Variants in PRSS35 observed in about 807,000 individuals in gnomAD.
The protein encoded by PRSS35 is serine protease 35.
PRSS35 carries 7 observed loss-of-function variants against 8.1 expected under a neutral mutation model. The ratio of observed to expected loss-of-function variants is 0.86; its 90% CI spans 0.49 to 1.62. The LOEUF (loss-of-function observed/expected upper bound fraction) is 1.62. Among genes scored for constraint, PRSS35 ranks in the 40% most tolerant of loss-of-function variants. The pLI, the probability that PRSS35 is intolerant of heterozygous loss-of-function variation, is 0.00. For synonymous variants in PRSS35, 199 were observed against 188.7 expected, an observed-to-expected ratio of 1.05 and a Z score of -0.45; for missense variants, 566 against 518.0, an observed-to-expected ratio of 1.09 and a Z score of -0.90.
intron 1 of PRSS35, among the ~76,000 whole-genome samples, chr6:83,517,432 C>T (rs1377897222): frequency 6.6e-6 from 1 of 152,148 alleles, no homozygotes; most frequent in Non-Finnish European, 1.5e-5. Flanking sequence ...TCATAAGATA[C>T]CCCCTCTCCT....
At chr6:83,514,020 G>C (rs1405199341) in intron 1 of PRSS35, among the ~76,000 whole-genome samples, 5 of 152,178 alleles carry the variant, frequency 3.3e-5, no homozygotes, top group Non-Finnish European at 7.3e-5. Context: ...ATCTGAGATG[G>C]AGAGGTTAGG....
rs369024634 is a variant in PRSS35 at position 83,524,393 on chromosome 6, G to A, written c.952G>A (p.Asp318Asn). The A allele has an allele frequency of 3.1e-6, 5 of 1,614,070 alleles. No individual in the cohort carries two copies. Among genetic ancestry groups the A allele is most frequent in the Non-Finnish European group, 2.5e-6 (3 of 1,180,048 alleles). Residue 318 changes from aspartate to asparagine, a missense_variant, in exon 2 of 2, where the codon GAT becomes AAT. Asp to Asn is a conservative substitution (Grantham distance 23). Transcript: ENST00000369700. ...HFSGFDNDRA[D>N]QLVYRFCSVS... ...CTCAGGATTTGATAACGATAGGGCT[G>A]ATCAGTTGGTCTATCGGTTTTGCAG...
intron 1 of PRSS35, among the ~76,000 whole-genome samples, chr6:83,514,763 C>T (rs1048908218): frequency 1.3e-5 from 2 of 152,184 alleles, no homozygotes; most frequent in Non-Finnish European, 2.9e-5. Context: ...AGTGTGCTGG[C>T]ACTACAACTG....
chr6:83,515,309 A>C (rs1397410624), intron 1 of PRSS35, among the ~76,000 whole-genome samples: 1 of 152,206 alleles, frequency 6.6e-6, no homozygotes, highest in Non-Finnish European at 1.5e-5. Context: ...CATTTGTTGA[A>C]TAGACAAATT....
In PRSS35 at chr6:83,524,319, T is replaced by C; in HGVS notation, c.878T>C (p.Leu293Pro). 6.2e-7 allele frequency: 1 copy of C among 1,614,148 alleles called. No homozygotes were observed. The highest frequency in any genetic ancestry group is 8.5e-7 in the Non-Finnish European group (1 of 1,180,028). The change falls in exon 2 of 2, where the codon CTT becomes CCT. Residue 293 changes from leucine (L) to proline (P), a missense_variant. Transcript: ENST00000369700. Reference protein sequence around the residue: ...KRAHKKKYMELGISPTIKKMP... With the variant: ...KRAHKKKYMEPGISPTIKKMP... ...GCTCACAAAAAGAAATACATGGAACTTGGAATCAGCCCAACGATCAAGAAA... is the reference window on the plus strand; with the variant it reads ...GCTCACAAAAAGAAATACATGGAACCTGGAATCAGCCCAACGATCAAGAAA...
Position 83,512,603 on chromosome 6 carries a change from TGA to T in PRSS35, c.-108_-107del. 1 of 152,480 alleles carries T rather than the reference TGA, an allele frequency of 6.6e-6. No homozygotes were observed. The highest frequency in any genetic ancestry group is 1.9e-4 in the East Asian group (1 of 5,160). 9.4% of individuals were successfully genotyped at this position (152,480 alleles called of 1,614,324 possible). ...GGGGCGGCCTCCGGCTCAGGCTGGC[TGA>T]GAGGCTCCCAGCTGCAGCGTCCCCG... On this transcript the variant is annotated 5_prime_UTR_variant, in exon 1 of 2. Coordinates refer to ENST00000369700, the MANE Select transcript of PRSS35 (RefSeq NM_153362.3).
intron 1 of PRSS35, among the ~76,000 whole-genome samples, chr6:83,520,259 G>A (rs1771796801): frequency 6.6e-6 from 1 of 152,114 alleles, no homozygotes; most frequent in African/African-American, 2.4e-5. Context: ...ACCACCTTCT[G>A]GGGTATGGCT....
chr6:83,521,664 T>C (rs1028887022), intron 1 of PRSS35, among the ~76,000 whole-genome samples: 6 of 151,870 alleles, frequency 4.0e-5, no homozygotes, highest in Non-Finnish European at 8.8e-5. Flanking sequence ...GCCTGACTAA[T>C]TTTTTAAAAG....
intron 1 of PRSS35, among the ~76,000 whole-genome samples, chr6:83,514,862 G>C (rs532016308): frequency 3.9e-5 from 6 of 152,258 alleles, no homozygotes; most frequent in Admixed American, 3.3e-4. Flanking sequence ...GTGGCCTGTA[G>C]GTAGGTGGGT....
At chr6:83,521,838 ATTATG>A (rs1265919963) in intron 1 of PRSS35, among the ~76,000 whole-genome samples, 4 of 152,120 alleles carry the variant, frequency 2.6e-5, no homozygotes, top group African/African-American at 9.7e-5. Flanking sequence ...GTTCAAATTA[ATTATG>A]TTATGTTTTC....
At chr6:83,519,944 G>A (rs1030628526) in intron 1 of PRSS35, among the ~76,000 whole-genome samples, 1 of 152,018 alleles carries the variant, frequency 6.6e-6, no homozygotes, top group Non-Finnish European at 1.5e-5. Flanking sequence ...ATGAGATATT[G>A]GAGGCATTAC....
Position 83,524,059 on chromosome 6 carries a change from C to CA in PRSS35, c.619dup (p.Arg207LysfsTer5). On this transcript the variant is annotated frameshift_variant, in exon 2 of 2. Coordinates refer to ENST00000369700, the MANE Select transcript of PRSS35 (RefSeq NM_153362.3). LOFTEE classifies it low-confidence loss of function (END_TRUNC). ...AGAAACGTCGAGGTTCTAAGAGGAG[C>CA]AGGAGAGAAGCTAGTGGTGGTGACC... The CA allele has an allele frequency of 6.2e-7, 1 of 1,613,960 alleles. No homozygotes were observed. Among genetic ancestry groups the CA allele is most frequent in the Non-Finnish European group, 8.5e-7 (1 of 1,180,004 alleles).
intron 1 of PRSS35, among the ~76,000 whole-genome samples, chr6:83,513,633 G>A (rs1771663178): frequency 6.6e-6 from 1 of 152,194 alleles, no homozygotes; most frequent in Admixed American, 6.5e-5. Context: ...GAAGGTAGAG[G>A]CCAAGTATCA....
At position 83,524,759 on chromosome 6, in the gene PRSS35, T is replaced by A. The variant is rs1771907326; in HGVS notation, c.*76T>A. The A allele has an allele frequency of 2.2e-6, 3 of 1,386,370 alleles. No individual in the cohort carries two copies. The highest frequency in any genetic ancestry group is 2.9e-6 in the Non-Finnish European group (3 of 1,027,236). 85.9% of individuals were successfully genotyped at this position (1,386,370 alleles called of 1,614,324 possible). On this transcript the variant is annotated 3_prime_UTR_variant, in exon 2 of 2. Coordinates refer to ENST00000369700, the MANE Select transcript of PRSS35 (RefSeq NM_153362.3). ...CTCTGCTTACCGTAGTGAGATCACT[T>A]CATAGGTTATGCCTGGACTTGAACT... is the stretch of plus-strand genomic sequence containing the variant.
chr6:83,517,497 CA>C (rs1301715238), intron 1 of PRSS35, among the ~76,000 whole-genome samples: 6 of 152,172 alleles, frequency 3.9e-5, no homozygotes, highest in African/African-American at 1.2e-4. Context: ...AATTGTCATC[CA>C]AAACATCACC....
chr6:83,519,247 C>T (rs1771776608), intron 1 of PRSS35, among the ~76,000 whole-genome samples: 1 of 152,180 alleles, frequency 6.6e-6, no homozygotes, highest in African/African-American at 2.4e-5. Context: ...TCTACTCAAT[C>T]TGTCTTCAGG....
In PRSS35 at chr6:83,524,789, C is replaced by T. The variant is rs1771908213; in HGVS notation, c.*106C>T. ...GGTTATGCCTGGACTTGAACTCTGT[C>T]AATAGCATTTCAACATTTTTCAAAA... is the stretch of plus-strand genomic sequence containing the variant. On this transcript the variant is annotated 3_prime_UTR_variant, in exon 2 of 2. Coordinates refer to ENST00000369700, the MANE Select transcript of PRSS35 (RefSeq NM_153362.3). 8.6e-6 allele frequency: 10 copies of T among 1,162,310 alleles called. No homozygotes were observed. The South Asian group carries it at 1.6e-4, about 18-fold the overall frequency. The allele number at this position is 1,162,310 out of a possible 1,614,324, so 72.0% of individuals were successfully genotyped here. A position where few individuals can be genotyped will look rare whatever the true frequency, so the allele number is the denominator to read the frequency against.
intron 1 of PRSS35, among the ~76,000 whole-genome samples, chr6:83,520,949 A>G (rs1341003506): frequency 6.6e-6 from 1 of 152,152 alleles, no homozygotes; most frequent in African/African-American, 2.4e-5. Context: ...GATATACCAA[A>G]TGAGATACTT....
chr6:83,521,678 T>C (rs1193971774), intron 1 of PRSS35, among the ~76,000 whole-genome samples: 1 of 151,950 alleles, frequency 6.6e-6, no homozygotes, highest in Non-Finnish European at 1.5e-5. Context: ...TTAAAAGTTT[T>C]TTTTGTAGAG....
Sources: gnomAD v4.1 joint callset for allele counts (sites outside exome capture counted in the v4.1 genomes callset) on GRCh38, gnomAD v4.1.1 for gene constraint, MANE v1.5 for transcripts, NCBI Gene and HGNC (gene_info 2026-07-23, HGNC 2026-07-21) for gene names.